Variants in EIF2S1 observed in about 807,000 individuals in gnomAD.
EIF2S1 encodes eukaryotic translation initiation factor 2 subunit alpha, also known as eukaryotic translation initiation factor 2 subunit 1.
A neutral mutation model predicts 33.5 loss-of-function variants in EIF2S1; 5 were observed. That is an observed-to-expected ratio of 0.15 (90% CI 0.08 to 0.31). The LOEUF is 0.31. EIF2S1 is among the 10% of genes least tolerant of loss of function. The pLI is 1.00. For missense variants in EIF2S1, 191 were observed against 384.6 expected (o/e 0.50, Z 4.21); for synonymous variants, 99 against 127.5 (o/e 0.78, Z 1.51).
chr14:67,382,651 A>G (rs1047789796), intron 7 of EIF2S1, 61 bp downstream of exon 7: 21 of 1,578,600 alleles, frequency 1.3e-5, no homozygotes, highest in Non-Finnish European at 1.8e-5. Flanking sequence ...GAGTTCTTGT[A>G]GGTAAATAAG....
chr14:67,370,738 C>T (rs1030086602), intron 2 of EIF2S1, among the ~76,000 whole-genome samples: 7 of 152,118 alleles, frequency 4.6e-5, no homozygotes, highest in Non-Finnish European at 7.4e-5. Context: ...CAAGAAAATT[C>T]GGTCCTGACC....
rs2085908108 is a variant in EIF2S1, at chr14:67,384,491, G to A, written c.*1051G>A. 2 of 151,818 alleles carry A rather than the reference G, an allele frequency of 1.3e-5. No individual in the cohort carries two copies. Among genetic ancestry groups the A allele is most frequent in the African/African-American group, 4.8e-5 (2 of 41,312 alleles). The allele number at this position is 151,818 out of a possible 1,614,324, so 9.4% of individuals were successfully genotyped here. On this transcript the variant is annotated 3_prime_UTR_variant, in exon 8 of 8. Coordinates refer to ENST00000256383, the MANE Select transcript of EIF2S1 (RefSeq NM_004094.5). ...AGTAGTCAGGTGTAGAAAATCTTGA[G>A]TTGCTTTGGTCTGCTTGTCTTCATA... is the stretch of plus-strand genomic sequence containing the variant.
In EIF2S1 at chr14:67,386,110, TCAAAC is replaced by T; in HGVS notation, c.*2671_*2675del. The T allele has an allele frequency of 6.6e-6, 1 of 152,654 alleles. No homozygotes were observed. Among genetic ancestry groups the T allele is most frequent in the African/African-American group, 2.4e-5 (1 of 41,550 alleles). 9.5% of individuals were successfully genotyped at this position (152,654 alleles called of 1,614,324 possible). The stretch of plus-strand genomic sequence containing the variant: ...TTGCCAATTTGGAGGCAGGAAGCCA[TCAAAC>T]TAAACGTAGTTTAATTCAGATGAAC... On this transcript the variant is annotated 3_prime_UTR_variant, in exon 8 of 8. Coordinates refer to ENST00000256383, the MANE Select transcript of EIF2S1 (RefSeq NM_004094.5).
intron 3 of EIF2S1, among the ~76,000 whole-genome samples, chr14:67,375,875 G>C (rs764384023): frequency 3.3e-5 from 5 of 152,136 alleles, no homozygotes; most frequent in Admixed American, 1.3e-4. Flanking sequence ...TTGTTAAAAT[G>C]AGTGTGTTAA....
chr14:67,370,956 G>A (rs1030405295), intron 2 of EIF2S1, among the ~76,000 whole-genome samples: 3 of 152,086 alleles, frequency 2.0e-5, no homozygotes, highest in African/African-American at 7.2e-5. Context: ...TTGAGGCCAG[G>A]AGAACAAGTC....
intron 2 of EIF2S1, among the ~76,000 whole-genome samples, chr14:67,365,798 G>A (rs2085772992): frequency 6.6e-6 from 1 of 152,110 alleles, no homozygotes; most frequent in African/African-American, 2.4e-5. Flanking sequence ...CTCCTCAGCC[G>A]TCTGGTTTAC....
chr14:67,377,349 GC>G (rs1262450504), intron 4 of EIF2S1, among the ~76,000 whole-genome samples: 27 of 150,500 alleles, frequency 1.8e-4, no homozygotes, highest in Admixed American at 1.2e-3. Context: ...TCCAGCCTCA[GC>G]TGTTCCACAT....
chr14:67,367,698 G>A (rs544133871), intron 2 of EIF2S1, among the ~76,000 whole-genome samples: 2 of 146,514 alleles, frequency 1.4e-5, no homozygotes, highest in African/African-American at 5.3e-5. Flanking sequence ...TTAGCTGGGC[G>A]TGGTGGTGCA....
chr14:67,365,519 A>G (rs2141128510), intron 2 of EIF2S1, among the ~76,000 whole-genome samples: 1 of 152,350 alleles, frequency 6.6e-6, no homozygotes, highest in East Asian at 1.9e-4. Context: ...GGTAATTAGA[A>G]TGTTTGCATC....
chr14:67,360,548 T>TA, intron 1 of EIF2S1, 92 bp downstream of exon 1: 1 of 224,644 alleles, frequency 4.5e-6, no homozygotes, highest in East Asian at 8.9e-5. Flanking sequence ...CCCGGGCTAA[T>TA]ACCTCCCTTT....
chr14:67,376,874 C>A (rs2085859846), intron 4 of EIF2S1, among the ~76,000 whole-genome samples: 1 of 152,140 alleles, frequency 6.6e-6, no homozygotes, highest in Non-Finnish European at 1.5e-5. Context: ...AAACTATAAC[C>A]TCTTGTTTTC....
chr14:67,377,486 T>A (rs2085863191), intron 4 of EIF2S1, among the ~76,000 whole-genome samples: 1 of 152,222 alleles, frequency 6.6e-6, no homozygotes, highest in South Asian at 2.1e-4. Flanking sequence ...TATTTTATTT[T>A]ATAAAGAAAA....
intron 2 of EIF2S1, among the ~76,000 whole-genome samples, chr14:67,372,220 T>G (rs1277743725): frequency 6.6e-6 from 1 of 152,208 alleles, no homozygotes; most frequent in Non-Finnish European, 1.5e-5. Context: ...ATTATCTTTT[T>G]AACAAATGGT....
intron 2 of EIF2S1, among the ~76,000 whole-genome samples, chr14:67,371,537 G>A (rs2085821528): frequency 2.0e-5 from 3 of 152,106 alleles, no homozygotes; most frequent in Admixed American, 2.0e-4. Context: ...AGAGTGTGCT[G>A]CTTACATAGA....
rs776537294 is a variant in EIF2S1 at position 67,385,047 on chromosome 14, G to C, written c.*1607G>C. On this transcript the variant is annotated 3_prime_UTR_variant, in exon 8 of 8. Coordinates refer to ENST00000256383, the MANE Select transcript of EIF2S1 (RefSeq NM_004094.5). ...TAACTTGAAAAATACTGGTGGCGTC[G>C]ATGGTGAGTGATTTTTATCCCACGT... The C allele has an allele frequency of 6.6e-6, 1 of 152,114 alleles. No homozygotes were observed. Among genetic ancestry groups the C allele is most frequent in the South Asian group, 2.1e-4 (1 of 4,816 alleles). 9.4% of individuals were successfully genotyped at this position (152,114 alleles called of 1,614,324 possible). A position where few individuals can be genotyped will look rare whatever the true frequency, so the allele number is the denominator to read the frequency against.
chr14:67,373,678 G>T (rs190896360), intron 2 of EIF2S1, among the ~76,000 whole-genome samples: 2 of 152,262 alleles, frequency 1.3e-5, no homozygotes, highest in East Asian at 3.9e-4. Flanking sequence ...ACCTTTCATG[G>T]GTTTTAGTTT....
chr14:67,379,654 C>CTTTTTTTTTTTTTTTTTTTTTTT (rs541791101), intron 4 of EIF2S1, among the ~76,000 whole-genome samples: 27 of 119,952 alleles, frequency 2.3e-4, no homozygotes, highest in African/African-American at 8.3e-4. Flanking sequence ...TTTTCTTTTT[C>CTTTTTTTTTTTTTTTTTTTTTTT]TTTTTTTTTT....
Position 67,380,667 on chromosome 14 carries a change from C to T in EIF2S1, c.482C>T (p.Ser161Phe). ...DAFKHAVSDP[S>F]ILDSLDLNED... ...TTTATGTTTTTGACCAGAGACCCAT[C>T]TATTTTGGATAGTTTAGATTTGAAT... Residue 161 changes from serine to phenylalanine, a missense_variant, in exon 5 of 8, where the codon TCT becomes TTT. Transcript: ENST00000256383. 6.5e-7 allele frequency: 1 copy of T among 1,535,048 alleles called. No individual in the cohort carries two copies. The highest frequency in any genetic ancestry group is 2.4e-5 in the East Asian group (1 of 41,864).
intron 2 of EIF2S1, among the ~76,000 whole-genome samples, chr14:67,370,856 C>G (rs2085816093): frequency 6.6e-6 from 1 of 151,830 alleles, no homozygotes; most frequent in South Asian, 2.1e-4. Context: ...GAAACCTCAT[C>G]TCTACAGAAA....
Sources: allele counts gnomAD v4.1 joint callset (sites outside exome capture counted in the v4.1 genomes callset), GRCh38; gene constraint gnomAD v4.1.1; transcripts MANE v1.5; gene names NCBI Gene and HGNC (gene_info 2026-07-23, HGNC 2026-07-21).